The following FAT3 variants were observed in gnomAD, a reference collection of about 807,000 sequenced individuals.
FAT3 encodes protocadherin Fat 3.
In FAT3, 95 loss-of-function variants were observed where a neutral mutation model predicts 310.2. That is an observed-to-expected ratio of 0.31 (90% confidence interval 0.26 to 0.36). FAT3 has a LOEUF of 0.36. FAT3 is among the 10% of genes least tolerant of loss of function. The pLI is 1.00. For synonymous variants in FAT3, 2,314 were observed against 2,192.9 expected (o/e 1.06, Z -1.54); for missense variants, 5,408 against 5,715.6 (o/e 0.95, Z 1.74).
At chr11:92,785,109 T>C (rs1263126751) in intron 7 of FAT3, among the ~76,000 whole-genome samples, 2 of 152,088 alleles carry the variant, frequency 1.3e-5, no homozygotes, top group Non-Finnish European at 2.9e-5. Context: ...TGACTCTGAA[T>C]GGCAAGTTAT....
chr11:92,467,653 TG>T (rs1951801040), intron 2 of FAT3, among the ~76,000 whole-genome samples: 2 of 152,320 alleles, frequency 1.3e-5, no homozygotes, highest in South Asian at 4.1e-4. Flanking sequence ...CCCTTAAAGC[TG>T]TGCCTGTGCC....
Position 92,800,953 on chromosome 11 carries a change from T to C in FAT3, c.7940T>C (p.Val2647Ala). 2 of 1,613,118 alleles carry C rather than the reference T, an allele frequency of 1.2e-6. No individual in the cohort carries two copies. The highest frequency in any genetic ancestry group is 1.7e-6 in the Non-Finnish European group (2 of 1,179,542). The change falls in exon 10 of 28, where the codon GTG (valine) becomes GCG (alanine). Residue 2647 changes from valine (V) to alanine (A), a missense_variant. Val to Ala is a moderately conservative substitution (Grantham distance 64). This residue lies in a region of FAT3 where 4,588 missense variants were observed against 4,809.8 expected (regional missense o/e 0.95). Transcript: ENST00000525166. ...YSLYSEASVS[V>A]ADLLEIDPDN... ...CTCTATAGCGAGGCCTCTGTTTCAG[T>C]GGCCGACCTCCTGGAAATCGATCCT...
At chr11:92,688,316 G>A (rs560514039) in intron 3 of FAT3, among the ~76,000 whole-genome samples, 1 of 152,174 alleles carries the variant, frequency 6.6e-6, no homozygotes, top group Non-Finnish European at 1.5e-5. Flanking sequence ...GATGACATAC[G>A]GGAGGCTGTT....
At chr11:92,527,654 G>A (rs1953913470) in intron 3 of FAT3, among the ~76,000 whole-genome samples, 1 of 152,202 alleles carries the variant, frequency 6.6e-6, no homozygotes, top group Admixed American at 6.5e-5. Flanking sequence ...GTTGCTCTAA[G>A]TATCATGCTG....
At chr11:92,721,318 A>G (rs12291362) in intron 4 of FAT3, among the ~76,000 whole-genome samples, 5,720 of 152,298 alleles carry the variant, frequency 0.038, 386 homozygotes, top group African/African-American at 0.13. Flanking sequence ...TATTGAAAAT[A>G]TTCTAAAATT....
intron 1 of FAT3, among the ~76,000 whole-genome samples, chr11:92,338,723 C>G (rs778284261): frequency 1.3e-5 from 2 of 152,196 alleles, no homozygotes; most frequent in Non-Finnish European, 2.9e-5. Flanking sequence ...TCAGGTTGGC[C>G]AAAAACTAGA....
chr11:92,659,269 T>G (rs114720344), intron 3 of FAT3, among the ~76,000 whole-genome samples: 78 of 152,282 alleles, frequency 5.1e-4, no homozygotes, highest in African/African-American at 1.5e-3. Flanking sequence ...AGGGATTGAT[T>G]CCCAAGTTCT....
chr11:92,319,320 A>G (rs1301297592), intron 1 of FAT3, among the ~76,000 whole-genome samples: 1 of 151,860 alleles, frequency 6.6e-6, no homozygotes, highest in Non-Finnish European at 1.5e-5. Flanking sequence ...AGCAGTGGAC[A>G]ATATGTGTTC....
chr11:92,790,455 G>C (rs558268729), intron 8 of FAT3, among the ~76,000 whole-genome samples: 4 of 152,184 alleles, frequency 2.6e-5, no homozygotes, highest in Admixed American at 2.0e-4. Flanking sequence ...AGCAATGGCT[G>C]CTCAGTAAAT....
chr11:92,469,385 C>A (rs1951852910), intron 2 of FAT3, among the ~76,000 whole-genome samples: 1 of 152,130 alleles, frequency 6.6e-6, no homozygotes, highest in Non-Finnish European at 1.5e-5. Flanking sequence ...CTTGGCAAAA[C>A]AAAGGAGAAA....
At chr11:92,802,494 A>G (rs752458153) in intron 10 of FAT3, among the ~76,000 whole-genome samples, 1 of 152,186 alleles carries the variant, frequency 6.6e-6, no homozygotes, top group African/African-American at 2.4e-5. Flanking sequence ...GCAAGTAGCA[A>G]TTCAAGAGGA....
rs770181753 is a variant in FAT3 at position 92,866,939 on chromosome 11, G to C, written c.11857G>C (p.Glu3953Gln). ...CCTCTACTTCCAGACGCTGAGCACT[G>C]AGAGTAGCATCTACTTCGGCGCCCT... is the stretch of plus-strand genomic sequence containing the variant. ...APLYFQTLST[E>Q]SSIYFGALVQ... The change falls in exon 22 of 28, where the codon GAG becomes CAG. Residue 3953 changes from glutamate to glutamine, a missense_variant. Coordinates refer to ENST00000525166, the MANE Select transcript of FAT3 (RefSeq NM_001367949.2). 6.2e-7 allele frequency: 1 copy of C among 1,613,812 alleles called. No individual in the cohort carries two copies. The highest frequency in any genetic ancestry group is 1.1e-5 in the South Asian group (1 of 91,052).
At chr11:92,425,321 C>G (rs1387146777) in intron 2 of FAT3, among the ~76,000 whole-genome samples, 1 of 152,000 alleles carries the variant, frequency 6.6e-6, no homozygotes, top group Non-Finnish European at 1.5e-5. Flanking sequence ...GATCAGCAAA[C>G]CCTGAAGATC....
intron 3 of FAT3, among the ~76,000 whole-genome samples, chr11:92,663,560 G>A (rs2135801378): frequency 6.6e-6 from 1 of 152,204 alleles, no homozygotes; most frequent in Non-Finnish European, 1.5e-5. Flanking sequence ...ATGTCCCAAA[G>A]TTCTACCAAT....
rs963855887 is a variant in FAT3 at position 92,311,126 on chromosome 11, C to T, written c.-17-40970C>T. On this transcript the variant is annotated intron_variant, in intron 1 of 27. Transcript: ENST00000525166. ...AAGGTTATGCTTTTAATCTGTCCTA[C>T]TTAAAGTAATTAAAACTAGACTATC... Among the ~76,000 whole-genome samples, 3 of 151,860 alleles carry T rather than the reference C, an allele frequency of 2.0e-5. No individual in the cohort carries two copies. In the South Asian group the frequency reaches 6.2e-4, roughly 32 times the overall value.
At chr11:92,483,910 G>A (rs1017175820) in intron 2 of FAT3, among the ~76,000 whole-genome samples, 1 of 152,184 alleles carries the variant, frequency 6.6e-6, no homozygotes, top group Non-Finnish European at 1.5e-5. Flanking sequence ...AACTCAAGTT[G>A]CAATTACCAG....
chr11:92,256,992 G>A (rs1017166778), intron 1 of FAT3, among the ~76,000 whole-genome samples: 1 of 151,950 alleles, frequency 6.6e-6, no homozygotes, highest in Non-Finnish European at 1.5e-5. Context: ...AACAAACTTT[G>A]CTCCTCTTCC....
intron 2 of FAT3, among the ~76,000 whole-genome samples, chr11:92,518,104 A>G (rs547691922): frequency 1.3e-5 from 2 of 152,262 alleles, no homozygotes; most frequent in South Asian, 4.1e-4. Context: ...AAATAATGCT[A>G]GAAATATTAC....
At chr11:92,847,448 A>G (rs1416668530) in intron 19 of FAT3, among the ~76,000 whole-genome samples, 3 of 152,206 alleles carry the variant, frequency 2.0e-5, no homozygotes, top group Non-Finnish European at 1.5e-5. Flanking sequence ...AAATAGCCCA[A>G]CGATGCATTT....
Sources: allele counts gnomAD v4.1 joint callset (sites outside exome capture counted in the v4.1 genomes callset), GRCh38; gene constraint gnomAD v4.1.1; regional missense constraint gnomAD v4.1.1; transcripts MANE v1.5; gene names NCBI Gene and HGNC (gene_info 2026-07-23, HGNC 2026-07-21).